Variants in COG1 observed in about 807,000 individuals in gnomAD.
The protein encoded by COG1 is component of oligomeric golgi complex 1, also known as conserved oligomeric Golgi complex subunit 1.
A neutral mutation model predicts 102.2 loss-of-function variants in COG1; 61 were observed. That is an observed-to-expected ratio of 0.60 (90% CI 0.49 to 0.74). The LOEUF is 0.74. COG1 is among the 30% of genes least tolerant of loss of function. COG1 has a pLI of 0.00. For synonymous variants in COG1, 454 were observed against 493.6 expected (o/e 0.92, Z 1.06); for missense variants, 1,164 against 1,232.1 (o/e 0.94, Z 0.83).
chr17:73,200,077 G>A (rs1599326012), intron 5 of COG1, 56 bp downstream of exon 5: 3 of 1,569,034 alleles, frequency 1.9e-6, no homozygotes, highest in African/African-American at 2.7e-5. Flanking sequence ...ATGCAGCCTT[G>A]TACGGGGCAT....
chr17:73,196,250 G>A (rs2145092067), intron 1 of COG1, among the ~76,000 whole-genome samples: 1 of 152,276 alleles, frequency 6.6e-6, no homozygotes, highest in Non-Finnish European at 1.5e-5. Flanking sequence ...GTGGGGCCTG[G>A]TGGGAGACGA....
At chr17:73,199,781 C>T (rs1188583073) in intron 4 of COG1, 84 bp from the exon 5 acceptor site, 2 of 1,550,986 alleles carry the variant, frequency 1.3e-6, no homozygotes, top group East Asian at 4.5e-5. Context: ...ACTGTGTTGC[C>T]CAAGCTGGCC....
intron 1 of COG1, among the ~76,000 whole-genome samples, chr17:73,194,157 T>TTTTTTTTTTTTTTTTGAG (rs1167408811): frequency 6.6e-6 from 1 of 150,744 alleles, no homozygotes; most frequent in Non-Finnish European, 1.5e-5. Flanking sequence ...AAAGAATTTT[T>TTTTTTTTTTTTTTTTGAG]ATTGGCCGGG....
intron 4 of COG1, among the ~76,000 whole-genome samples, chr17:73,197,875 A>G (rs1260302676): frequency 6.6e-6 from 1 of 152,224 alleles, no homozygotes; most frequent in African/African-American, 2.4e-5. Flanking sequence ...AGGTGGGGCC[A>G]GGGGCCAGAT....
chr17:73,194,567 G>A (rs60634439), intron 1 of COG1, among the ~76,000 whole-genome samples: 77,261 of 150,824 alleles, frequency 0.51, 19,846 homozygotes, highest in East Asian at 0.59. Context: ...GGGTTCAAGC[G>A]ATTCTCCTGC....
chr17:73,194,979 A>G (rs2061319918), intron 1 of COG1, among the ~76,000 whole-genome samples: 1 of 152,172 alleles, frequency 6.6e-6, no homozygotes. Context: ...CAATAAAACT[A>G]TAGGAAGTTG....
At chr17:73,194,159 T>TTTTTTTTTTTTTTTTTTTTTTTTTTTTTG (rs1467466251) in intron 1 of COG1, among the ~76,000 whole-genome samples, 2 of 149,756 alleles carry the variant, frequency 1.3e-5, no homozygotes, top group Admixed American at 6.7e-5. Flanking sequence ...AGAATTTTTA[T>TTTTTTTTTTTTTTTTTTTTTTTTTTTTTG]TGGCCGGGTG....
rs778591192 is a variant in COG1 at position 73,199,936 on chromosome 17, G to A, written c.985G>A (p.Val329Ile). Reference protein sequence around the residue: ...SWFKHLPASIVEFQPTLRTLA... With the variant: ...SWFKHLPASIIEFQPTLRTLA... ...GTTTAAACACCTGCCAGCATCCATC[G>A]TCGAGTTCCAGCCAACACTCCGAAC... The change falls in exon 5 of 14, where the codon GTC (valine) becomes ATC (isoleucine). Residue 329 changes from valine (V) to isoleucine (I), a missense_variant. By Grantham distance (29) the Val-to-Ile change is conservative. Coordinates refer to ENST00000299886, the MANE Select transcript of COG1 (RefSeq NM_018714.3). 1.1e-5 allele frequency: 18 copies of A among 1,614,178 alleles called. No individual in the cohort carries two copies. Among genetic ancestry groups the A allele is most frequent in the Non-Finnish European group, 1.4e-5 (16 of 1,180,032 alleles).
Position 73,197,028 on chromosome 17 carries a change from TC to T in COG1, c.691del (p.Leu231CysfsTer28). 2 of 1,614,196 alleles carry T rather than the reference TC, an allele frequency of 1.2e-6. No individual in the cohort carries two copies. Among genetic ancestry groups the T allele is most frequent in the Non-Finnish European group, 1.7e-6 (2 of 1,180,032 alleles). ...ESSPRQALTD[F>X]LLARKATIQK... ...TCTCCTCGCCAAGCCCTCACAGACT[TC>T]CTGCTGGCCAGAAAGGCAACTATTC... On this transcript the variant is annotated frameshift_variant, in exon 3 of 14. Transcript: ENST00000299886. LOFTEE classifies it high-confidence loss of function.
chr17:73,196,543 G>T lies in COG1; in HGVS notation c.352G>T (p.Ala118Ser), dbSNP rs779744514. ...QPSQEKFYSM[A>S]AQIKLLLEIP... ...ATCCCAGGAGAAGTTCTACAGCATGGCTGCCCAGATCAAGCTACTCTTAGA... is the reference window on the plus strand; with the variant it reads ...ATCCCAGGAGAAGTTCTACAGCATGTCTGCCCAGATCAAGCTACTCTTAGA... Residue 118 changes from alanine to serine, a missense_variant, in exon 2 of 14, where the codon GCT becomes TCT. By Grantham distance (99) the Ala-to-Ser change is moderately conservative (BLOSUM62 1). Coordinates refer to ENST00000299886, the MANE Select transcript of COG1 (RefSeq NM_018714.3). 4 of 1,614,216 alleles carry T rather than the reference G, an allele frequency of 2.5e-6. No homozygotes were observed. Among genetic ancestry groups the T allele is most frequent in the African/African-American group, 1.3e-5 (1 of 75,040 alleles).
chr17:73,193,613 C>T (rs2061311779), intron 1 of COG1, among the ~76,000 whole-genome samples: 1 of 152,262 alleles, frequency 6.6e-6, no homozygotes, highest in African/African-American at 2.4e-5. Context: ...TCAACAGTTT[C>T]TTCAGGCGCT....
chr17:73,205,889 C>G (rs2061368910), intron 10 of COG1: 2 of 722,814 alleles, frequency 2.8e-6, no homozygotes, highest in African/African-American at 1.7e-5. Flanking sequence ...CTCTTATTCC[C>G]CTCTCTTCTG....
chr17:73,206,629 G>C, intron 11 of COG1, 79 bp from the exon 12 acceptor site: 1 of 917,314 alleles, frequency 1.1e-6, no homozygotes. Flanking sequence ...GTAGCGATGG[G>C]TGACTAACCT....
In COG1 at chr17:73,205,808, G is replaced by A. The variant is rs2061368354; in HGVS notation, c.2510+128G>A. On this transcript the variant is annotated intron_variant, in intron 10 of 13. Transcript: ENST00000299886. ...ATTGTGTTTGTTTTGAACAGTAAGT[G>A]CTCATATTGCCAGCAAGTTAAATAA... 8 of 1,259,624 alleles carry A rather than the reference G, an allele frequency of 6.4e-6. No individual in the cohort carries two copies. The South Asian group carries it at 9.6e-5, about 15-fold the overall frequency. The allele number at this position is 1,259,624 out of a possible 1,614,324, so 78.0% of individuals were successfully genotyped here.
intron 10 of COG1, 169 bp downstream of exon 10, chr17:73,205,849 T>C: frequency 1.2e-6 from 1 of 860,160 alleles, no homozygotes; most frequent in South Asian, 1.4e-5. Flanking sequence ...GCCTGCTGGA[T>C]AAATGCAATG....
At position 73,199,958 on chromosome 17, in the gene COG1, G is replaced by A. The variant is rs763005617; in HGVS notation, c.1007G>A (p.Arg336Gln). ...ASIVEFQPTL[R>Q]TLAHPISQEY... ...ATCGTCGAGTTCCAGCCAACACTCC[G>A]AACCCTTGCACATCCCATCAGTCAG... is the stretch of plus-strand genomic sequence containing the variant. Residue 336 changes from arginine to glutamine, a missense_variant, in exon 5 of 14, where the codon CGA becomes CAA. Transcript: ENST00000299886. 20 of 1,614,110 alleles carry A rather than the reference G, an allele frequency of 1.2e-5. No homozygotes were observed. Among genetic ancestry groups the A allele is most frequent in the East Asian group, 4.5e-5 (2 of 44,892 alleles).
chr17:73,196,698 C>A lies in COG1; in HGVS notation c.507C>A (p.Val169=). 1 of 1,614,174 alleles carries A rather than the reference C, an allele frequency of 6.2e-7. No homozygotes were observed. The highest frequency in any genetic ancestry group is 8.5e-7 in the Non-Finnish European group (1 of 1,180,026). Residue 169 remains valine (V), a synonymous_variant, in exon 2 of 14, where the codon GTC becomes GTA. Transcript: ENST00000299886. ...CTTCTAGTTCCCGATACAGTCCCGTCCTCTCCCGGTTTCCTATACTCATCC... is the reference window on the plus strand; with the variant it reads ...CTTCTAGTTCCCGATACAGTCCCGTACTCTCCCGGTTTCCTATACTCATCC... ...LDSSSSRYSP[V]LSRFPILIRQ... is the part of the protein sequence containing the mutation.
chr17:73,207,809 G>GTTGT (rs2061387292), intron 13 of COG1: 1 of 1,284,302 alleles, frequency 7.8e-7, no homozygotes, highest in Non-Finnish European at 1.0e-6. Flanking sequence ...ACAGCATCGA[G>GTTGT]TTGTTTGCTT....
intron 1 of COG1, among the ~76,000 whole-genome samples, chr17:73,194,594 G>A (rs1334766996): frequency 6.6e-6 from 1 of 151,944 alleles, no homozygotes; most frequent in Admixed American, 6.6e-5. Flanking sequence ...CACCCGCGTA[G>A]CTGGGATTAC....
Sources: gnomAD v4.1 joint callset for allele counts (sites outside exome capture counted in the v4.1 genomes callset) on GRCh38, gnomAD v4.1.1 for gene constraint, MANE v1.5 for transcripts, NCBI Gene and HGNC (gene_info 2026-07-23, HGNC 2026-07-21) for gene names.